The following ITIH2 variants were observed in gnomAD, a reference collection of about 807,000 sequenced individuals.
The protein encoded by ITIH2 is inter-alpha-trypsin inhibitor heavy chain 2, also known as inter-alpha-trypsin inhibitor heavy chain H2.
Under a neutral mutation model 104.4 loss-of-function variants are expected in ITIH2, and 103 were observed. The observed-to-expected ratio is 0.99, with a 90% CI of 0.84 to 1.16. ITIH2 has a LOEUF of 1.16. ITIH2 is among the 50% of genes most tolerant of loss of function. ITIH2 has a pLI of 0.00. For synonymous variants in ITIH2, 436 were observed against 435.4 expected (o/e 1.00, Z -0.02); for missense variants, 1,108 against 1,162.4 (o/e 0.95, Z 0.68).
chr10:7,747,296 G>A lies in ITIH2; in HGVS notation c.2693+592G>A, dbSNP rs115250431. Among the ~76,000 whole-genome samples, 1,138 of 152,208 alleles carry A rather than the reference G, an allele frequency of 7.5e-3. 26 individuals are homozygous for A. Among genetic ancestry groups the A allele is most frequent in the African/African-American group, 0.026 (1,093 of 41,516 alleles). ...TTAAAGCAGCTTACCCCTTTTTAGA[G>A]TTTTTACAAAGCAGCCAACTTTGCT... On this transcript the variant is annotated intron_variant, in intron 20 of 20. Coordinates refer to ENST00000358415, the MANE Select transcript of ITIH2 (RefSeq NM_002216.3).
At chr10:7,738,257 T>A (rs1344165065) in intron 15 of ITIH2, among the ~76,000 whole-genome samples, 1 of 125,724 alleles carries the variant, frequency 8.0e-6, no homozygotes. Context: ...TAATATTATA[T>A]ATTATATTCT....
chr10:7,720,921 C>T lies in ITIH2; in HGVS notation c.696C>T (p.Gly232=). 6.2e-7 allele frequency: 1 copy of T among 1,613,616 alleles called. No individual in the cohort carries two copies. Among genetic ancestry groups the T allele is most frequent in the Non-Finnish European group, 8.5e-7 (1 of 1,179,556 alleles). The part of the protein sequence containing the change: ...RFLHVPDTFE[G]HFDGVPVISK... ...TTCATGTTCCCGACACATTTGAAGG[C>T]CATTTCGATGGTGTTCCGGTCATTT... is the stretch of plus-strand genomic sequence containing the variant. Residue 232 remains glycine, a synonymous_variant, in exon 7 of 21, where the codon GGC becomes GGT. Coordinates refer to ENST00000358415, the MANE Select transcript of ITIH2 (RefSeq NM_002216.3).
At chr10:7,705,259 C>A in intron 2 of ITIH2, 77 bp downstream of exon 2, 3 of 992,148 alleles carry the variant, frequency 3.0e-6, no homozygotes, top group Non-Finnish European at 4.7e-6. Flanking sequence ...TGTTAAGATG[C>A]CTTCTGCTAG....
chr10:7,739,036 G>A (rs1377314745), intron 16 of ITIH2, among the ~76,000 whole-genome samples: 3 of 152,210 alleles, frequency 2.0e-5, no homozygotes, highest in Admixed American at 6.5e-5. Context: ...GTCATGCCAG[G>A]AAAATGTATT....
chr10:7,730,519 T>C (rs2130954599), intron 12 of ITIH2, among the ~76,000 whole-genome samples: 1 of 152,296 alleles, frequency 6.6e-6, no homozygotes, highest in African/African-American at 2.4e-5. Context: ...AGTGTAAATT[T>C]TCTTAAGTAT....
At chr10:7,709,893 G>A (rs183009196) in intron 4 of ITIH2, among the ~76,000 whole-genome samples, 170 of 151,880 alleles carry the variant, frequency 1.1e-3, no homozygotes, top group African/African-American at 3.9e-3. Flanking sequence ...TCGCTCTGTC[G>A]CCCAGGCTGG....
In ITIH2 at chr10:7,727,785, C is replaced by T. The variant is rs138692753; in HGVS notation, c.1236C>T (p.Ser412=). Residue 412 remains serine, a synonymous_variant, in exon 11 of 21, where the codon TCC becomes TCT. Transcript: ENST00000358415. ...ACTTGGGACTGTTAGACCCCAACTCCGTCTCGCTGATCATTTTGGTTTCTG... is the reference window on the plus strand; with the variant it reads ...ACTTGGGACTGTTAGACCCCAACTCTGTCTCGCTGATCATTTTGGTTTCTG... ...ANNLGLLDPN[S]VSLIILVSDG... is the part of the protein sequence containing the mutation. 2.3e-4 allele frequency: 377 copies of T among 1,614,174 alleles called. No individual in the cohort carries two copies. The highest frequency in any genetic ancestry group is 1.1e-3 in the African/African-American group (82 of 75,056).
chr10:7,748,936 G>T (rs986741289), intron 20 of ITIH2, among the ~76,000 whole-genome samples: 1 of 151,978 alleles, frequency 6.6e-6, no homozygotes, highest in African/African-American at 2.4e-5. Flanking sequence ...TGTTTCCCTC[G>T]CTGGAAAAGC....
At chr10:7,708,934 T>G in intron 3 of ITIH2, 88 bp from the exon 4 acceptor site, 1 of 1,073,156 alleles carries the variant, frequency 9.3e-7, no homozygotes, top group Non-Finnish European at 1.4e-6. Context: ...AAGTAAAATG[T>G]AGTGTTGTTA....
chr10:7,708,065 T>C (rs879477227), intron 3 of ITIH2, among the ~76,000 whole-genome samples: 1 of 152,192 alleles, frequency 6.6e-6, no homozygotes, highest in Non-Finnish European at 1.5e-5. Flanking sequence ...AAGTGCACAC[T>C]TCAGGGGGAG....
At position 7,709,093 on chromosome 10, in the gene ITIH2, C is replaced by G; in HGVS notation, c.264C>G (p.Thr88=). 2 of 1,613,844 alleles carry G rather than the reference C, an allele frequency of 1.2e-6. No homozygotes were observed. Among genetic ancestry groups the G allele is most frequent in the Non-Finnish European group, 8.5e-7 (1 of 1,179,760 alleles). The change falls in exon 4 of 21, where the codon ACC becomes ACG. Residue 88 remains threonine, a synonymous_variant. Transcript: ENST00000358415. ...QSTITSRMAT[T]MIQSKVVNNS... is the part of the protein sequence containing the mutation. ...CTATTACTTCTCGGATGGCCACCAC[C>G]ATGATCCAGAGCAAAGTGGTGAACA...
chr10:7,746,497 GGAGGGAGGACC>G (rs1835178852), intron 19 of ITIH2, 85 bp from the exon 20 acceptor site: 3 of 780,582 alleles, frequency 3.8e-6, no homozygotes, highest in Non-Finnish European at 6.4e-6. Flanking sequence ...TAGAAATCCT[GGAGGGAGGACC>G]GAAAGGTAGC....
chr10:7,735,231 C>G, intron 15 of ITIH2, 140 bp downstream of exon 15: 1 of 666,112 alleles, frequency 1.5e-6, no homozygotes, highest in Non-Finnish European at 2.4e-6. Context: ...CCAAGCTCTT[C>G]CTGCCAGCTG....
chr10:7,707,418 G>A (rs1272301564), intron 3 of ITIH2, among the ~76,000 whole-genome samples, 185 bp downstream of exon 3: 1 of 152,128 alleles, frequency 6.6e-6, no homozygotes, highest in African/African-American at 2.4e-5. Flanking sequence ...TTTACAGACA[G>A]GAGAGAGGCC....
At chr10:7,735,171 C>T in intron 15 of ITIH2, 80 bp downstream of exon 15, 1 of 1,313,304 alleles carries the variant, frequency 7.6e-7, no homozygotes, top group Non-Finnish European at 1.0e-6. Flanking sequence ...TGCCTCCGCT[C>T]TCTCCCACCC....
At chr10:7,711,097 A>G (rs1160815702) in intron 4 of ITIH2, among the ~76,000 whole-genome samples, 1 of 151,694 alleles carries the variant, frequency 6.6e-6, no homozygotes, top group Admixed American at 6.6e-5. Context: ...CTTGCCCCCT[A>G]CCGCCCGACA....
chr10:7,705,983 C>A (rs1307687876), intron 2 of ITIH2, among the ~76,000 whole-genome samples: 1 of 152,086 alleles, frequency 6.6e-6, no homozygotes, highest in African/African-American at 2.4e-5. Flanking sequence ...TTCCAGAACA[C>A]CAGGAAGGGC....
At chr10:7,703,612 G>T in intron 1 of ITIH2, 94 bp downstream of exon 1, 1 of 759,324 alleles carries the variant, frequency 1.3e-6, no homozygotes. Flanking sequence ...TATTCTGTGT[G>T]TAATGGAAAC....
chr10:7,744,902 C>G lies in ITIH2; in HGVS notation c.2520C>G (p.Asp840Glu). 6.2e-7 allele frequency: 1 copy of G among 1,614,132 alleles called. No individual in the cohort carries two copies. Among genetic ancestry groups the G allele is most frequent in the Non-Finnish European group, 8.5e-7 (1 of 1,179,992 alleles). ...RVWKKHPVNV[D>E]FLGIYIPPTN... ...GGAAGAAGCATCCCGTCAATGTTGA[C>G]TTTCTGGGAATCTACATACCCCCTA... Residue 840 changes from aspartate (D) to glutamate (E), a missense_variant, in exon 19 of 21, where the codon GAC (aspartate) becomes GAG (glutamate). Coordinates refer to ENST00000358415, the MANE Select transcript of ITIH2 (RefSeq NM_002216.3).
Sources: allele counts gnomAD v4.1 joint callset (sites outside exome capture counted in the v4.1 genomes callset), GRCh38; gene constraint gnomAD v4.1.1; transcripts MANE v1.5; gene names NCBI Gene and HGNC (gene_info 2026-07-23, HGNC 2026-07-21).